NOVA1: variants seen among roughly 807,000 people sequenced by gnomAD.
The protein encoded by NOVA1 is NOVA alternative splicing regulator 1.
A neutral mutation model predicts 38.0 loss-of-function variants in NOVA1; 7 were observed. The ratio of observed to expected loss-of-function variants is 0.18; its 90% CI spans 0.10 to 0.35. The LOEUF (loss-of-function observed/expected upper bound fraction) is 0.35. Ranked by LOEUF, NOVA1 falls within the 10% of genes least tolerant of loss-of-function variation. The pLI, the probability that NOVA1 is intolerant of heterozygous loss-of-function variation, is 1.00. For synonymous variants in NOVA1, 270 were observed against 232.5 expected, an observed-to-expected ratio of 1.16 and a Z score of -1.47; for missense variants, 460 against 616.0, an observed-to-expected ratio of 0.75 and a Z score of 2.68.
chr14:26,457,313 ATC>A (rs1436471013), intron 4 of NOVA1, among the ~76,000 whole-genome samples: 5 of 152,066 alleles, frequency 3.3e-5, no homozygotes, highest in Non-Finnish European at 5.9e-5. Context: ...AAAGGATAAG[ATC>A]TCTGTTTTCA....
At chr14:26,461,617 T>C (rs141280948) in intron 4 of NOVA1, among the ~76,000 whole-genome samples, 4 of 152,030 alleles carry the variant, frequency 2.6e-5, no homozygotes, top group African/African-American at 9.6e-5. Context: ...GCAAGAATAT[T>C]GCTAAACGAC....
intron 3 of NOVA1, chr14:26,478,962 C>T (rs1885213121): frequency 6.6e-6 from 1 of 151,678 alleles, no homozygotes; most frequent in South Asian, 2.1e-4. Flanking sequence ...CATTATTCAA[C>T]ATTATATTTA....
At chr14:26,492,642 A>C (rs1886430380) in intron 2 of NOVA1, among the ~76,000 whole-genome samples, 1 of 152,196 alleles carries the variant, frequency 6.6e-6, no homozygotes, top group Non-Finnish European at 1.5e-5. Context: ...CTATGACTAT[A>C]ATGCTGAGAA....
chr14:26,497,661 T>C (rs1000790939), intron 2 of NOVA1, among the ~76,000 whole-genome samples: 1 of 152,180 alleles, frequency 6.6e-6, no homozygotes, highest in African/African-American at 2.4e-5. Context: ...TTCAATTATC[T>C]TCTGACTATA....
intron 2 of NOVA1, among the ~76,000 whole-genome samples, chr14:26,575,647 T>TA (rs1252317559): frequency 1.3e-5 from 2 of 152,202 alleles, no homozygotes; most frequent in Non-Finnish European, 2.9e-5. Flanking sequence ...CTTTATCACA[T>TA]ATATCAACAA....
At chr14:26,552,568 T>C (rs1891227566) in intron 2 of NOVA1, among the ~76,000 whole-genome samples, 1 of 152,086 alleles carries the variant, frequency 6.6e-6, no homozygotes. Context: ...AATTCATTAA[T>C]TCATTTATTC....
intron 2 of NOVA1, among the ~76,000 whole-genome samples, chr14:26,588,213 T>A (rs1334206992): frequency 1.3e-5 from 2 of 150,888 alleles, no homozygotes; most frequent in Non-Finnish European, 3.0e-5. Flanking sequence ...CCATCTAAAA[T>A]TTTTAAATTA....
At chr14:26,457,367 T>C in intron 4 of NOVA1, among the ~76,000 whole-genome samples, 1 of 152,186 alleles carries the variant, frequency 6.6e-6, no homozygotes, top group East Asian at 1.9e-4. Context: ...TAACAAAATA[T>C]TTAAATGTAT....
At chr14:26,589,482 AT>A (rs1893715277) in intron 2 of NOVA1, among the ~76,000 whole-genome samples, 1 of 151,778 alleles carries the variant, frequency 6.6e-6, no homozygotes, top group Admixed American at 6.6e-5. Flanking sequence ...TCTTAAAAAT[AT>A]TTTTAATATG....
At position 26,480,059 on chromosome 14, in the gene NOVA1, T is replaced by G; in HGVS notation, c.365A>C (p.Glu122Ala). The change falls in exon 3 of 5, where the codon GAA becomes GCA. Residue 122 changes from glutamate (E) to alanine (A), a missense_variant. Physicochemically the swap from Glu to Ala is moderately radical, Grantham distance 107. Coordinates refer to ENST00000539517, the MANE Select transcript of NOVA1 (RefSeq NM_002515.3). ...TGTCTTGGCCACATTTTGGGGCATT[T>G]CTCGAATTTTTTCTGCAATGAATCC... The part of the protein sequence containing the change: ...VHGFIAEKIR[E>A]MPQNVAKTEP... The G allele has an allele frequency of 6.2e-7, 1 of 1,614,128 alleles. No homozygotes were observed. Among genetic ancestry groups the G allele is most frequent in the Non-Finnish European group, 8.5e-7 (1 of 1,180,010 alleles).
intron 2 of NOVA1, among the ~76,000 whole-genome samples, chr14:26,514,526 A>G (rs1357278181): frequency 1.3e-5 from 2 of 151,864 alleles, no homozygotes; most frequent in African/African-American, 2.4e-5. Flanking sequence ...AAGACATTAC[A>G]TATTTTTAAG....
intron 2 of NOVA1, among the ~76,000 whole-genome samples, chr14:26,543,027 T>C (rs2138605794): frequency 6.6e-6 from 1 of 151,992 alleles, no homozygotes; most frequent in Non-Finnish European, 1.5e-5. Context: ...TCAAAATAAC[T>C]AGAAGAGTGG....
At chr14:26,529,977 T>C (rs1033992990) in intron 2 of NOVA1, among the ~76,000 whole-genome samples, 1 of 152,150 alleles carries the variant, frequency 6.6e-6, no homozygotes, top group African/African-American at 2.4e-5. Flanking sequence ...TGGAGAGCAG[T>C]GGCGCGATCT....
intron 4 of NOVA1, among the ~76,000 whole-genome samples, chr14:26,462,376 T>A (rs1197289317): frequency 6.6e-6 from 1 of 152,156 alleles, no homozygotes; most frequent in Non-Finnish European, 1.5e-5. Context: ...AGAGACAGTG[T>A]CATATAGTAC....
chr14:26,456,834 A>G (rs1269672216), intron 4 of NOVA1, among the ~76,000 whole-genome samples: 6 of 151,956 alleles, frequency 3.9e-5, no homozygotes, highest in East Asian at 1.9e-4. Flanking sequence ...GTAAGTGTTT[A>G]TAAGTCAAAA....
chr14:26,463,683 C>A (rs544451464), intron 4 of NOVA1, among the ~76,000 whole-genome samples: 1 of 152,090 alleles, frequency 6.6e-6, no homozygotes, highest in African/African-American at 2.4e-5. Flanking sequence ...ATACTCAAAT[C>A]TGGTAACTTT....
At chr14:26,554,591 T>A (rs178168) in intron 2 of NOVA1, among the ~76,000 whole-genome samples, 89,989 of 152,000 alleles carry the variant, frequency 0.59, 31,327 homozygotes, top group Non-Finnish European at 0.76. Context: ...CATCTTGAGA[T>A]GAGTAAAAGA....
At chr14:26,563,871 A>G (rs544380780) in intron 2 of NOVA1, among the ~76,000 whole-genome samples, 1 of 152,252 alleles carries the variant, frequency 6.6e-6, no homozygotes, top group South Asian at 2.1e-4. Context: ...TTTATATACA[A>G]AAAACTCAAA....
At chr14:26,590,077 T>A (rs1343471733) in intron 2 of NOVA1, among the ~76,000 whole-genome samples, 1 of 151,894 alleles carries the variant, frequency 6.6e-6, no homozygotes, top group Admixed American at 6.6e-5. Flanking sequence ...ACCTGTAGTA[T>A]TCCAGTACTG....
Sources: allele counts gnomAD v4.1 joint callset (sites outside exome capture counted in the v4.1 genomes callset), GRCh38; gene constraint gnomAD v4.1.1; transcripts MANE v1.5; gene names NCBI Gene and HGNC (gene_info 2026-07-23, HGNC 2026-07-21).